PROSER2: variants seen among roughly 807,000 people sequenced by gnomAD.
The protein encoded by PROSER2 is proline and serine rich 2.
PROSER2 carries 18 observed loss-of-function variants against 14.6 expected under a neutral mutation model. The observed-to-expected ratio is 1.23, with a 90% CI of 0.85 to 1.83. PROSER2 has a LOEUF of 1.83. PROSER2 is among the 40% of genes most tolerant of loss of function. The pLI, the probability that PROSER2 is intolerant of heterozygous loss-of-function variation, is 0.00. For synonymous variants in PROSER2, 367 were observed against 286.4 expected (o/e 1.28, Z -2.84); for missense variants, 823 against 629.8 (o/e 1.31, Z -3.28).
At chr10:11,832,616 A>C (rs1048432876) in intron 1 of PROSER2, among the ~76,000 whole-genome samples, 2 of 152,138 alleles carry the variant, frequency 1.3e-5, no homozygotes, top group South Asian at 4.1e-4. Flanking sequence ...CTGTGTGTTT[A>C]AACTCACTCC....
At chr10:11,847,237 T>C (rs1002606996) in intron 1 of PROSER2, among the ~76,000 whole-genome samples, 4 of 151,388 alleles carry the variant, frequency 2.6e-5, no homozygotes, top group African/African-American at 9.7e-5. Flanking sequence ...TATTGCCTCA[T>C]CTCTCTTTTC....
intron 1 of PROSER2, among the ~76,000 whole-genome samples, chr10:11,845,242 G>C (rs1304285319): frequency 6.6e-6 from 1 of 152,132 alleles, no homozygotes; most frequent in Non-Finnish European, 1.5e-5. Context: ...GATACTATGC[G>C]GTTGCCCCCT....
Position 11,862,647 on chromosome 10 carries a change from T to C in PROSER2, c.139-3884T>C, listed in dbSNP as rs1052569131. ...AGACCTAGGCTGCAATGAGCTGTGATTGTACCACTGCACTGTAGACTGGGC... is the reference window on the plus strand; with the variant it reads ...AGACCTAGGCTGCAATGAGCTGTGACTGTACCACTGCACTGTAGACTGGGC... On this transcript the variant is annotated intron_variant, in intron 2 of 3. Coordinates refer to ENST00000277570, the MANE Select transcript of PROSER2 (RefSeq NM_153256.4). The surrounding 1 kb of genome is among the most constrained non-coding windows in gnomAD (Gnocchi z 4.2). Among the ~76,000 whole-genome samples, 21 of 152,264 alleles carry C rather than the reference T, an allele frequency of 1.4e-4. No individual in the cohort carries two copies. Among genetic ancestry groups the C allele is most frequent in the Non-Finnish European group, 1.2e-4 (8 of 68,022 alleles).
At position 11,870,310 on chromosome 10, in the gene PROSER2, C is replaced by A; in HGVS notation, c.1212C>A (p.Pro404=). 1 of 1,496,028 alleles carries A rather than the reference C, an allele frequency of 6.7e-7. No individual in the cohort carries two copies. Among genetic ancestry groups the A allele is most frequent in the Non-Finnish European group, 8.9e-7 (1 of 1,128,226 alleles). The allele number at this position is 1,496,028 out of a possible 1,614,324, so 92.7% of individuals were successfully genotyped here. A position where few individuals can be genotyped will look rare whatever the true frequency, so the allele number is the denominator to read the frequency against. The part of the protein sequence containing the change: ...DWRRADSLPR[P]QGITVQFAGR... The stretch of plus-strand genomic sequence containing the variant: ...GCCGCGCAGACTCCCTGCCCCGGCC[C>A]CAGGGCATCACCGTGCAGTTCGCGG... The change falls in exon 4 of 4, where the codon CCC becomes CCA. Residue 404 remains proline (P), a synonymous_variant. Transcript: ENST00000277570.
chr10:11,864,521 TA>T (rs1385772382), intron 2 of PROSER2, among the ~76,000 whole-genome samples: 4 of 152,158 alleles, frequency 2.6e-5, no homozygotes, highest in Non-Finnish European at 5.9e-5. Flanking sequence ...AAGTACATTT[TA>T]AAAACAAGGA....
intron 1 of PROSER2, among the ~76,000 whole-genome samples, chr10:11,827,057 T>C (rs1833625349): frequency 6.6e-6 from 1 of 151,726 alleles, no homozygotes; most frequent in African/African-American, 2.4e-5. Context: ...GCTGTGTTTT[T>C]GTGTTTTTTG....
At chr10:11,864,592 CTTTTTTTT>C (rs533338162) in intron 2 of PROSER2, among the ~76,000 whole-genome samples, 1 of 139,664 alleles carries the variant, frequency 7.2e-6, no homozygotes, top group Non-Finnish European at 1.5e-5. Flanking sequence ...TTTTTTTTTT[CTTTTTTTT>C]TTTTTTGAGA....
chr10:11,862,984 C>T lies in PROSER2; in HGVS notation c.139-3547C>T, dbSNP rs1834272854. Reference sequence around the variant, plus strand: ...ACCACTTCGGAAAGCTGTGTCCACCCACCCAAGCAGACACACATCTTCAGA... The same window carrying T: ...ACCACTTCGGAAAGCTGTGTCCACCTACCCAAGCAGACACACATCTTCAGA... On this transcript the variant is annotated intron_variant, in intron 2 of 3. Transcript: ENST00000277570. This position sits in a 1 kb window ranked among gnomAD's most constrained non-coding sequence, Gnocchi z 4.2. 6.6e-6 allele frequency: 1 copy of T among 152,190 alleles called. No individual in the cohort carries two copies. Among genetic ancestry groups the T allele is most frequent in the Admixed American group, 6.5e-5 (1 of 15,278 alleles). 9.4% of individuals were successfully genotyped at this position (152,190 alleles called of 1,614,324 possible). A position where few individuals can be genotyped will look rare whatever the true frequency, so the allele number is the denominator to read the frequency against.
At chr10:11,867,946 T>C (rs1834387380) in intron 3 of PROSER2, among the ~76,000 whole-genome samples, 1 of 152,206 alleles carries the variant, frequency 6.6e-6, no homozygotes, top group Non-Finnish European at 1.5e-5. Context: ...TAAAATACTG[T>C]CATTTGTCTT....
chr10:11,848,514 T>G (rs72768237), intron 1 of PROSER2, among the ~76,000 whole-genome samples: 15,851 of 152,218 alleles, frequency 0.1, 1,084 homozygotes, highest in Non-Finnish European at 0.15. Context: ...ATGTGTGGTG[T>G]TCAGTTAGCC....
In PROSER2 at chr10:11,866,244, G is replaced by C. The variant is rs1834343549; in HGVS notation, c.139-287G>C. On this transcript the variant is annotated intron_variant, in intron 2 of 3. Coordinates refer to ENST00000277570, the MANE Select transcript of PROSER2 (RefSeq NM_153256.4). This position sits in a 1 kb window ranked among gnomAD's most constrained non-coding sequence, Gnocchi z 6.0. Reference sequence around the variant, plus strand: ...GCCGTAGGCTGACTGCAGCTCTCCAGTGTGCTCCCGAGAGGGTGCTTTTTG... The same window carrying C: ...GCCGTAGGCTGACTGCAGCTCTCCACTGTGCTCCCGAGAGGGTGCTTTTTG... Among the ~76,000 whole-genome samples the C allele has an allele frequency of 6.6e-6, 1 of 152,230 alleles. No individual in the cohort carries two copies. Among genetic ancestry groups the C allele is most frequent in the Admixed American group, 6.5e-5 (1 of 15,284 alleles).
At position 11,837,741 on chromosome 10, in the gene PROSER2, A is replaced by T. The variant is rs1384197198; in HGVS notation, c.-81-14256A>T. Among the ~76,000 whole-genome samples the T allele has an allele frequency of 6.6e-6, 1 of 152,218 alleles. No individual in the cohort carries two copies. The highest frequency in any genetic ancestry group is 2.4e-5 in the African/African-American group (1 of 41,450). ...TTATAAGACACGATTTCTTTCCCTC[A>T]CATTTCCTCGGTGCAAAACCTAATA... is the stretch of plus-strand genomic sequence containing the variant. On this transcript the variant is annotated intron_variant, in intron 1 of 3. Transcript: ENST00000277570. The surrounding 1 kb of genome is among the most constrained non-coding windows in gnomAD (Gnocchi z 4.6).
At chr10:11,839,419 AT>A (rs1405563169) in intron 1 of PROSER2, among the ~76,000 whole-genome samples, 3 of 152,258 alleles carry the variant, frequency 2.0e-5, no homozygotes, top group Non-Finnish European at 2.9e-5. Context: ...TTTTAAAAAA[AT>A]ACTTGCAATT....
At chr10:11,824,181 ACT>A (rs765701099) in intron 1 of PROSER2, among the ~76,000 whole-genome samples, 4 of 152,062 alleles carry the variant, frequency 2.6e-5, no homozygotes, top group African/African-American at 9.7e-5. Context: ...AAAACTTTTA[ACT>A]CTACCAGAAC....
chr10:11,852,330 G>A (rs1834036734), intron 2 of PROSER2, 115 bp downstream of exon 2: 3 of 1,138,652 alleles, frequency 2.6e-6, no homozygotes, highest in African/African-American at 3.1e-5. Context: ...CTAGCTTGAT[G>A]TTCTGGAATA....
At chr10:11,860,142 G>A (rs1834206482) in intron 2 of PROSER2, among the ~76,000 whole-genome samples, 1 of 152,212 alleles carries the variant, frequency 6.6e-6, no homozygotes, top group Admixed American at 6.5e-5. Context: ...CAGCATGGCT[G>A]GCCCTGCCTT....
chr10:11,837,785 C>G lies in PROSER2; in HGVS notation c.-81-14212C>G, dbSNP rs1588485542. Among the ~76,000 whole-genome samples, 1 of 152,318 alleles carries G rather than the reference C, an allele frequency of 6.6e-6. No individual in the cohort carries two copies. The highest frequency in any genetic ancestry group is 1.9e-4 in the East Asian group (1 of 5,194). On this transcript the variant is annotated intron_variant, in intron 1 of 3. Coordinates refer to ENST00000277570, the MANE Select transcript of PROSER2 (RefSeq NM_153256.4). The surrounding 1 kb of genome is among the most constrained non-coding windows in gnomAD (Gnocchi z 4.6). ...CCTAATAGTAGAATGTGAGAAACTT[C>G]ATATTATTTGTTCCAGCTTAGATTC...
In PROSER2 at chr10:11,838,066, AT is replaced by A; in HGVS notation, c.-81-13930del. 6.6e-6 allele frequency among the ~76,000 whole-genome samples: 1 copy of A among 152,002 alleles called. No individual in the cohort carries two copies. Among genetic ancestry groups the A allele is most frequent in the South Asian group, 2.1e-4 (1 of 4,810 alleles). On this transcript the variant is annotated intron_variant, in intron 1 of 3. Transcript: ENST00000277570. This position sits in a 1 kb window ranked among gnomAD's most constrained non-coding sequence, Gnocchi z 4.4. ...GGCTCCAAGGTGCTGAAATGACCTG[AT>A]AAATCATTTCTTTAACCTCCAGGAA...
rs1239240845 is a variant in PROSER2, at chr10:11,865,142, T to C, written c.139-1389T>C. Among the ~76,000 whole-genome samples the C allele has an allele frequency of 6.6e-6, 1 of 152,192 alleles. No individual in the cohort carries two copies. The highest frequency in any genetic ancestry group is 1.9e-4 in the East Asian group (1 of 5,200). On this transcript the variant is annotated intron_variant, in intron 2 of 3. Coordinates refer to ENST00000277570, the MANE Select transcript of PROSER2 (RefSeq NM_153256.4). This position sits in a 1 kb window ranked among gnomAD's most constrained non-coding sequence, Gnocchi z 4.2. Reference sequence around the variant, plus strand: ...TCTCATTTTCTCTGATTTCTCTCTCTGGAACTCTCATTATTCACATAGTGG... The same window carrying C: ...TCTCATTTTCTCTGATTTCTCTCTCCGGAACTCTCATTATTCACATAGTGG...
Sources: allele counts gnomAD v4.1 joint callset (sites outside exome capture counted in the v4.1 genomes callset), GRCh38; gene constraint gnomAD v4.1.1; non-coding constraint Gnocchi (gnomAD v3.1); transcripts MANE v1.5; gene names NCBI Gene and HGNC (gene_info 2026-07-23, HGNC 2026-07-21).